PSAT1: variants seen among roughly 807,000 people sequenced by gnomAD.
The protein encoded by PSAT1 is phosphoserine aminotransferase.
A neutral mutation model predicts 40.3 loss-of-function variants in PSAT1; 41 were observed. The ratio of observed to expected loss-of-function variants is 1.02; its 90% CI spans 0.79 to 1.32. The LOEUF is 1.32. Among genes scored for constraint, PSAT1 ranks in the 40% most tolerant of loss-of-function variants. The probability of loss-of-function intolerance (pLI) is 0.00; values close to 1 mark genes in which losing one functional copy is unlikely to be tolerated. For synonymous variants in PSAT1, 147 were observed against 170.5 expected (o/e 0.86, Z 1.07); for missense variants, 406 against 455.8 (o/e 0.89, Z 0.99).
At chr9:78,299,103 G>T (rs1828067881) in intron 1 of PSAT1, among the ~76,000 whole-genome samples, 1 of 123,346 alleles carries the variant, frequency 8.1e-6, no homozygotes, top group South Asian at 2.6e-4. Context: ...TTGTCCCACT[G>T]CATTCCAGGC....
chr9:78,308,226 C>T (rs967855881), intron 5 of PSAT1, among the ~76,000 whole-genome samples, 188 bp from the exon 6 acceptor site: 1 of 152,174 alleles, frequency 6.6e-6, no homozygotes, highest in Non-Finnish European at 1.5e-5. Flanking sequence ...GGATCATCCT[C>T]AGGCTTTGGA....
intron 7 of PSAT1, among the ~76,000 whole-genome samples, chr9:78,319,165 G>A (rs573448295): frequency 3.9e-5 from 6 of 152,204 alleles, no homozygotes; most frequent in South Asian, 4.1e-4. Context: ...ACATGGGACC[G>A]ACAAAACGAT....
At chr9:78,307,898 G>A (rs1828208075) in intron 5 of PSAT1, among the ~76,000 whole-genome samples, 1 of 152,050 alleles carries the variant, frequency 6.6e-6, no homozygotes, top group Non-Finnish European at 1.5e-5. Context: ...AAATTCACTG[G>A]GCATGGTGGC....
chr9:78,312,908 G>A (rs1042916747), intron 6 of PSAT1, among the ~76,000 whole-genome samples: 3 of 152,102 alleles, frequency 2.0e-5, no homozygotes, highest in African/African-American at 7.2e-5. Flanking sequence ...TACATTCACC[G>A]ATTCCTGAGA....
At chr9:78,306,071 C>G (rs1828176981) in intron 4 of PSAT1, among the ~76,000 whole-genome samples, 1 of 152,154 alleles carries the variant, frequency 6.6e-6, no homozygotes. Flanking sequence ...CTTCCCATGC[C>G]ATTTTTGAAG....
chr9:78,312,729 A>G (rs2118665371), intron 6 of PSAT1, among the ~76,000 whole-genome samples: 1 of 152,122 alleles, frequency 6.6e-6, no homozygotes, highest in East Asian at 1.9e-4. Flanking sequence ...AAATAAAAGA[A>G]TGGGAGCATG....
chr9:78,305,004 A>C, intron 4 of PSAT1, 64 bp downstream of exon 4: 1 of 1,458,124 alleles, frequency 6.9e-7, no homozygotes, highest in South Asian at 1.2e-5. Context: ...GACCCAGGGC[A>C]ATCTGTAGTT....
intron 5 of PSAT1, among the ~76,000 whole-genome samples, chr9:78,307,218 T>A (rs1174224909): frequency 6.6e-6 from 1 of 152,226 alleles, no homozygotes; most frequent in Non-Finnish European, 1.5e-5. Context: ...GTCCAGCCCC[T>A]GGCAGCCTCC....
chr9:78,307,059 T>C (rs1828194807), intron 5 of PSAT1, among the ~76,000 whole-genome samples: 1 of 152,236 alleles, frequency 6.6e-6, no homozygotes, highest in African/African-American at 2.4e-5. Context: ...ATATAAAATA[T>C]ACCATTTTAA....
At chr9:78,325,608 C>G (rs1381873315) in intron 7 of PSAT1, among the ~76,000 whole-genome samples, 2 of 152,248 alleles carry the variant, frequency 1.3e-5, no homozygotes, top group Non-Finnish European at 2.9e-5. Flanking sequence ...TGCTGAATTC[C>G]TTATCTGGCT....
rs1388269643 is a variant in PSAT1, at chr9:78,312,656, A to G, written c.740+4073A>G. 3.3e-5 allele frequency among the ~76,000 whole-genome samples: 5 copies of G among 152,318 alleles called. No homozygotes were observed. In the East Asian group the frequency reaches 9.7e-4, roughly 29 times the overall value. ...AGTTGCAGTGAGCCAAGATTGTGCCATTGCACTCCAGCCTGGGCAATAAGA... is the reference window on the plus strand; with the variant it reads ...AGTTGCAGTGAGCCAAGATTGTGCCGTTGCACTCCAGCCTGGGCAATAAGA... On this transcript the variant is annotated intron_variant, in intron 6 of 8. Transcript: ENST00000376588.
intron 7 of PSAT1, among the ~76,000 whole-genome samples, chr9:78,319,336 A>T (rs1055933835): frequency 6.6e-6 from 1 of 152,198 alleles, no homozygotes; most frequent in South Asian, 2.1e-4. Context: ...AGCTCTTGAC[A>T]TGCAGTGGCC....
In PSAT1 at chr9:78,329,106, T is replaced by C. The variant is rs1415326767; in HGVS notation, c.*20T>C. 1 of 1,530,708 alleles carries C rather than the reference T, an allele frequency of 6.5e-7. No homozygotes were observed. 94.8% of individuals were successfully genotyped at this position (1,530,708 alleles called of 1,614,324 possible). The stretch of plus-strand genomic sequence containing the variant: ...CTATGAACACATCCTAACCAGGATA[T>C]ACTCTGTTCTTGAACAACATACAAA... On this transcript the variant is annotated 3_prime_UTR_variant, in exon 9 of 9. Coordinates refer to ENST00000376588, the MANE Select transcript of PSAT1 (RefSeq NM_058179.4).
chr9:78,297,396 A>G (rs1828042392), intron 1 of PSAT1, 126 bp downstream of exon 1: 1 of 1,137,438 alleles, frequency 8.8e-7, no homozygotes, highest in Admixed American at 2.0e-5. Flanking sequence ...GGCGCTTTGC[A>G]TCAGCGTGCA....
chr9:78,326,988 C>T (rs1157571279), intron 7 of PSAT1, among the ~76,000 whole-genome samples: 1 of 111,532 alleles, frequency 9.0e-6, no homozygotes, highest in African/African-American at 4.3e-5. Context: ...CAGAGTCTTG[C>T]TCTGTTGCCC....
chr9:78,306,173 T>G (rs1587636014), intron 4 of PSAT1, 141 bp from the exon 5 acceptor site: 36 of 880,930 alleles, frequency 4.1e-5, no homozygotes, highest in Admixed American at 5.2e-5. Context: ...GCTGGGAGGT[T>G]GCTTTCACTC....
intron 7 of PSAT1, 33 bp from the exon 8 acceptor site, chr9:78,328,017 GA>G: frequency 6.2e-7 from 1 of 1,603,434 alleles, no homozygotes; most frequent in Non-Finnish European, 8.5e-7. Context: ...ATACATTTCA[GA>G]AAAGTAGCTG....
chr9:78,320,337 TATCCATCC>T (rs1208452643), intron 7 of PSAT1, among the ~76,000 whole-genome samples: 7 of 37,350 alleles, frequency 1.9e-4, no homozygotes, highest in African/African-American at 5.3e-4. Flanking sequence ...TCCATCCATC[TATCCATCC>T]ATCCATCCAT....
At chr9:78,328,833 T>C in intron 8 of PSAT1, 148 bp from the exon 9 acceptor site, 1 of 700,014 alleles carries the variant, frequency 1.4e-6, no homozygotes. Flanking sequence ...TGTGAAGCTC[T>C]GTGCCAGGTG....
Sources: gnomAD v4.1 joint callset for allele counts (sites outside exome capture counted in the v4.1 genomes callset) on GRCh38, gnomAD v4.1.1 for gene constraint, MANE v1.5 for transcripts, NCBI Gene and HGNC (gene_info 2026-07-23, HGNC 2026-07-21) for gene names.